The following FLYWCH1 variants were observed in gnomAD, a reference collection of about 807,000 sequenced individuals.
FLYWCH1 encodes the protein FLYWCH-type zinc finger 1, also known as FLYWCH-type zinc finger-containing protein 1.
Under a neutral mutation model 66.4 loss-of-function variants are expected in FLYWCH1, and 75 were observed. That is an observed-to-expected ratio of 1.13 (90% CI 0.94 to 1.37). FLYWCH1 has a LOEUF of 1.37. Ranked by LOEUF, FLYWCH1 falls within the 40% of genes most tolerant of loss-of-function variation. FLYWCH1 has a pLI of 0.00. For missense variants in FLYWCH1, 1,334 were observed against 1,001.8 expected (o/e 1.33, Z -4.48); for synonymous variants, 595 against 429.9 (o/e 1.38, Z -4.75).
At chr16:2,934,180 C>G (rs1295370336) in intron 6 of FLYWCH1, among the ~76,000 whole-genome samples, 2 of 152,158 alleles carry the variant, frequency 1.3e-5, no homozygotes, top group Non-Finnish European at 2.9e-5. Flanking sequence ...CTGCTCAGCC[C>G]AGCCTCCCCC....
chr16:2,940,948 T>C (rs2071237556), intron 9 of FLYWCH1, among the ~76,000 whole-genome samples: 2 of 152,004 alleles, frequency 1.3e-5, no homozygotes, highest in Admixed American at 6.6e-5. Flanking sequence ...CTGGCCAACA[T>C]GGTGAAACCC....
intron 9 of FLYWCH1, among the ~76,000 whole-genome samples, chr16:2,948,376 T>C (rs1596411095): frequency 1.3e-5 from 2 of 151,758 alleles, no homozygotes; most frequent in East Asian, 1.9e-4. Context: ...CTGGCCAACA[T>C]GGTGAAACCC....
intron 2 of FLYWCH1, among the ~76,000 whole-genome samples, chr16:2,925,568 G>C (rs1362108115): frequency 7.8e-6 from 1 of 128,262 alleles, no homozygotes; most frequent in Non-Finnish European, 1.7e-5. Flanking sequence ...GGGGTAGGGG[G>C]AGTTGCGGGG....
intron 2 of FLYWCH1, among the ~76,000 whole-genome samples, chr16:2,925,950 G>A (rs2070552352): frequency 6.6e-6 from 1 of 152,204 alleles, no homozygotes; most frequent in Non-Finnish European, 1.5e-5. Flanking sequence ...GTGAGGTGGG[G>A]GTGAGGACGC....
chr16:2,931,883 G>A (rs1195328722), intron 4 of FLYWCH1, among the ~76,000 whole-genome samples: 1 of 152,120 alleles, frequency 6.6e-6, no homozygotes, highest in Non-Finnish European at 1.5e-5. Context: ...GGAGGTCGAG[G>A]TGGGCGGATC....
At chr16:2,945,996 C>G (rs1480495558) in intron 9 of FLYWCH1, among the ~76,000 whole-genome samples, 1 of 151,250 alleles carries the variant, frequency 6.6e-6, no homozygotes, top group Non-Finnish European at 1.5e-5. Context: ...GACTCCATGT[C>G]AAAAAATAAA....
intron 2 of FLYWCH1, among the ~76,000 whole-genome samples, chr16:2,917,059 G>C (rs1187481835): frequency 6.6e-6 from 1 of 151,264 alleles, no homozygotes; most frequent in Non-Finnish European, 1.5e-5. Context: ...GGGAGGCTGA[G>C]GCAGGAGAAT....
intron 5 of FLYWCH1, 66 bp from the exon 6 acceptor site, chr16:2,933,650 A>C (rs1257037037): frequency 6.4e-7 from 1 of 1,564,358 alleles, no homozygotes; most frequent in Non-Finnish European, 8.7e-7. Flanking sequence ...CCAGGGAGGG[A>C]AGGGGGTGCG....
chr16:2,944,948 C>T (rs1245674936), intron 9 of FLYWCH1, among the ~76,000 whole-genome samples: 1 of 152,146 alleles, frequency 6.6e-6, no homozygotes, highest in East Asian at 1.9e-4. Context: ...ATTATTGTCC[C>T]TGAAGACCTT....
chr16:2,942,188 G>T (rs1426268299), intron 9 of FLYWCH1, among the ~76,000 whole-genome samples: 1 of 152,002 alleles, frequency 6.6e-6, no homozygotes, highest in African/African-American at 2.4e-5. Flanking sequence ...ACCTTACTAT[G>T]GACCTCATTC....
rs2070427182 is a variant in FLYWCH1 at position 2,922,949 on chromosome 16, T to A, written c.-73-6664T>A. The A allele has an allele frequency of 5.7e-6, 3 of 523,802 alleles. No individual in the cohort carries two copies. The East Asian group carries it at 1.6e-4, about 28-fold the overall frequency. 32.4% of individuals were successfully genotyped at this position (523,802 alleles called of 1,614,324 possible). On this transcript the variant is annotated intron_variant, in intron 2 of 9. Coordinates refer to ENST00000253928, the MANE Select transcript of FLYWCH1 (RefSeq NM_001308068.2). The stretch of plus-strand genomic sequence containing the variant: ...CCTGGGGGCGCTCTTCCGAGGATAT[T>A]TGGGCTGCCTCCGGAGTCGCAGTGT...
Position 2,938,476 on chromosome 16 carries a change from C to T in FLYWCH1, c.2050+20C>T, listed in dbSNP as rs754990409. 2.6e-6 allele frequency: 4 copies of T among 1,509,810 alleles called. No homozygotes were observed. Among genetic ancestry groups the T allele is most frequent in the Non-Finnish European group, 2.7e-6 (3 of 1,132,028 alleles). The allele number at this position is 1,509,810 out of a possible 1,614,324, so 93.5% of individuals were successfully genotyped here. On this transcript the variant is annotated intron_variant, in intron 8 of 9. Transcript: ENST00000253928. ...ACCCAGGTACAGGCAGGCTGTGGGG[C>T]AGAGGCAGGGCTGTGGGCATCCTCA...
chr16:2,916,773 G>T (rs1004328179), intron 2 of FLYWCH1, among the ~76,000 whole-genome samples: 5 of 152,050 alleles, frequency 3.3e-5, no homozygotes, highest in Admixed American at 6.6e-5. Context: ...TAAAATTTGG[G>T]CAAATTCCTC....
intron 2 of FLYWCH1, among the ~76,000 whole-genome samples, chr16:2,924,963 T>TC (rs1225567332): frequency 1.3e-5 from 2 of 152,210 alleles, no homozygotes; most frequent in Admixed American, 6.5e-5. Flanking sequence ...CGGGTACAGC[T>TC]CCATGGGAAT....
At chr16:2,943,806 G>A (rs941716412) in intron 9 of FLYWCH1, among the ~76,000 whole-genome samples, 10 of 151,994 alleles carry the variant, frequency 6.6e-5, no homozygotes, top group Admixed American at 2.6e-4. Flanking sequence ...GCGTGGTGGC[G>A]AGCACCCGTA....
intron 9 of FLYWCH1, among the ~76,000 whole-genome samples, chr16:2,946,730 T>C (rs1030191986): frequency 3.9e-5 from 6 of 152,292 alleles, no homozygotes; most frequent in East Asian, 3.9e-4. Flanking sequence ...TTCAAAGATA[T>C]ACAAATGGCC....
intron 9 of FLYWCH1, among the ~76,000 whole-genome samples, chr16:2,948,130 G>A (rs899204186): frequency 6.6e-5 from 10 of 152,308 alleles, no homozygotes; most frequent in Middle Eastern, 3.4e-3. Flanking sequence ...TCTAGGGCAC[G>A]AATTGAAACT....
intron 9 of FLYWCH1, among the ~76,000 whole-genome samples, chr16:2,943,002 G>A (rs2071336548): frequency 6.6e-6 from 1 of 151,944 alleles, no homozygotes; most frequent in Non-Finnish European, 1.5e-5. Context: ...ACGCCCAGCT[G>A]GCATCTGGGA....
At chr16:2,928,065 C>T (rs1377416282) in intron 2 of FLYWCH1, among the ~76,000 whole-genome samples, 2 of 152,218 alleles carry the variant, frequency 1.3e-5, no homozygotes, top group Non-Finnish European at 2.9e-5. Context: ...GCATGTAGGC[C>T]AGATTTGTGT....
Sources: allele counts gnomAD v4.1 joint callset (sites outside exome capture counted in the v4.1 genomes callset), GRCh38; gene constraint gnomAD v4.1.1; transcripts MANE v1.5; gene names NCBI Gene and HGNC (gene_info 2026-07-23, HGNC 2026-07-21).